Variants in USP38 observed in about 807,000 individuals in gnomAD.
The protein encoded by USP38 is ubiquitin carboxyl-terminal hydrolase 38.
USP38 carries 49 observed loss-of-function variants against 94.3 expected under a neutral mutation model. The ratio of observed to expected loss-of-function variants is 0.52; its 90% CI spans 0.41 to 0.66. The LOEUF (loss-of-function observed/expected upper bound fraction) is 0.66, where lower values mean the gene tolerates loss of function less well. USP38 is among the 30% of genes least tolerant of loss of function. The probability of loss-of-function intolerance (pLI) is 0.00; values close to 1 mark genes in which losing one functional copy is unlikely to be tolerated. For synonymous variants in USP38, 468 were observed against 463.6 expected, an observed-to-expected ratio of 1.01 and a Z score of -0.12; for missense variants, 1,128 against 1,229.4, an observed-to-expected ratio of 0.92 and a Z score of 1.23.
intron 3 of USP38, among the ~76,000 whole-genome samples, chr4:143,197,249 A>G (rs919219333): frequency 6.6e-6 from 1 of 152,202 alleles, no homozygotes; most frequent in Non-Finnish European, 1.5e-5. Context: ...CAATTCCTTC[A>G]GTTTTACAGT....
intron 2 of USP38, among the ~76,000 whole-genome samples, chr4:143,194,221 T>A (rs1731479655): frequency 6.6e-6 from 1 of 152,252 alleles, no homozygotes; most frequent in African/African-American, 2.4e-5. Context: ...TAACATTTGG[T>A]GGAAGAGAGG....
At chr4:143,215,299 T>C (rs1032197301) in intron 9 of USP38, 2 of 222,514 alleles carry the variant, frequency 9.0e-6, no homozygotes, top group Non-Finnish European at 1.8e-5. Context: ...GTGGTATTTA[T>C]GCCCTCAAGA....
intron 8 of USP38, 25 bp downstream of exon 8, chr4:143,212,449 AT>A: frequency 2.0e-6 from 3 of 1,515,172 alleles, no homozygotes; most frequent in Non-Finnish European, 1.8e-6. Flanking sequence ...TAAAATTGTG[AT>A]TTGAGTGTTG....
At chr4:143,187,444 G>A (rs1027341618) in intron 1 of USP38, among the ~76,000 whole-genome samples, 1 of 152,014 alleles carries the variant, frequency 6.6e-6, no homozygotes, top group Non-Finnish European at 1.5e-5. Context: ...AAGTTATTTT[G>A]GAGGGTCTGA....
intron 3 of USP38, among the ~76,000 whole-genome samples, chr4:143,197,374 A>G (rs1240751647): frequency 1.3e-5 from 2 of 152,162 alleles, no homozygotes; most frequent in Non-Finnish European, 2.9e-5. Flanking sequence ...TAATAACACT[A>G]ACCACCATGT....
chr4:143,213,847 C>T lies in USP38; in HGVS notation c.1871C>T (p.Ser624Phe). 2 of 1,613,824 alleles carry T rather than the reference C, an allele frequency of 1.2e-6. No individual in the cohort carries two copies. Among genetic ancestry groups the T allele is most frequent in the Non-Finnish European group, 1.7e-6 (2 of 1,179,826 alleles). ...CTTTCGCTTGCCTTTTGTCCTTCCT[C>T]TTCTTTGGAAAACATGTCTGTCCAA... ...TDLSLAFCPS[S>F]SLENMSVQDP... The change falls in exon 9 of 10, where the codon TCT becomes TTT. Residue 624 changes from serine to phenylalanine, a missense_variant. Physicochemically the swap from Ser to Phe is radical, Grantham distance 155. Transcript: ENST00000307017.
intron 8 of USP38, 127 bp from the exon 9 acceptor site, chr4:143,213,454 C>G: frequency 9.0e-7 from 1 of 1,106,144 alleles, no homozygotes; most frequent in Non-Finnish European, 1.2e-6. Flanking sequence ...TTAATTAAAA[C>G]AGGAAAAACC....
chr4:143,213,250 T>C (rs927395892), intron 8 of USP38, among the ~76,000 whole-genome samples: 6 of 152,158 alleles, frequency 3.9e-5, no homozygotes, highest in Admixed American at 1.3e-4. Context: ...ATCTATTCAG[T>C]AGTTTATTTG....
Position 143,213,571 on chromosome 4 carries a change from T to C in USP38, c.1605-10T>C, listed in dbSNP as rs1402852180. 6.3e-7 allele frequency: 1 copy of C among 1,580,008 alleles called. No individual in the cohort carries two copies. The highest frequency in any genetic ancestry group is 2.2e-5 in the East Asian group (1 of 44,478). On this transcript the variant is annotated splice_polypyrimidine_tract_variant and intron_variant, in intron 8 of 9. Transcript: ENST00000307017. ...TTTAAGTAGCTATATAATGATATCC[T>C]CTGCTGCAGGCTCCATGAAGAAGAA...
Position 143,213,913 on chromosome 4 carries a change from T to C in USP38, c.1937T>C (p.Met646Thr), listed in dbSNP as rs1732101998. 1 of 1,613,758 alleles carries C rather than the reference T, an allele frequency of 6.2e-7. No individual in the cohort carries two copies. Among genetic ancestry groups the C allele is most frequent in the Non-Finnish European group, 8.5e-7 (1 of 1,179,852 alleles). ...CCCAGTATACAAGATGGTGGTCTAA[T>C]GCAAGCCTCTGTACCCGGTCCTTCA... is the stretch of plus-strand genomic sequence containing the variant. ...SSPSIQDGGL[M>T]QASVPGPSEE... is the part of the protein sequence containing the mutation. The change falls in exon 9 of 10, where the codon ATG becomes ACG. Residue 646 changes from methionine (M) to threonine (T), a missense_variant. Transcript: ENST00000307017.
chr4:143,215,247 C>A, intron 9 of USP38: 1 of 343,386 alleles, frequency 2.9e-6, no homozygotes, highest in Non-Finnish European at 5.4e-6. Context: ...TATCCTCCCT[C>A]TTCCTCTCAG....
intron 9 of USP38, 85 bp downstream of exon 9, chr4:143,215,028 A>C (rs1732146570): frequency 7.7e-7 from 1 of 1,299,092 alleles, no homozygotes; most frequent in Non-Finnish European, 1.1e-6. Context: ...GAAATCTAAC[A>C]TGAGTTTTTA....
intron 3 of USP38, among the ~76,000 whole-genome samples, chr4:143,197,542 A>G (rs902843696): frequency 2.0e-5 from 3 of 152,214 alleles, no homozygotes; most frequent in Non-Finnish European, 4.4e-5. Flanking sequence ...AACTGAATGA[A>G]TAGTGGACTA....
rs866076452 is a variant in USP38, at chr4:143,215,170, C to G, written c.2967+227C>G. 1.4e-5 allele frequency: 7 copies of G among 507,552 alleles called. 1 individual carries two copies. The highest frequency in any genetic ancestry group is 1.0e-3 in the Middle Eastern group (2 of 1,932). 31.4% of individuals were successfully genotyped at this position (507,552 alleles called of 1,614,324 possible). Reference sequence around the variant, plus strand: ...TGTAATGCAGAAGACTTTATTTGTTCCTTACAAAAGATGGCTCATTCTGAA... The same window carrying G: ...TGTAATGCAGAAGACTTTATTTGTTGCTTACAAAAGATGGCTCATTCTGAA... On this transcript the variant is annotated intron_variant, in intron 9 of 9. Coordinates refer to ENST00000307017, the MANE Select transcript of USP38 (RefSeq NM_032557.6).
Position 143,203,463 on chromosome 4 carries a change from C to A in USP38, c.1106C>A (p.Ser369Ter), listed in dbSNP as rs752181434. The change falls in exon 5 of 10, where the codon TCA becomes TAA. Residue 369 changes from serine to a stop codon, truncating the protein, a stop_gained. Transcript: ENST00000307017. LOFTEE classifies it high-confidence loss of function. ...TCTTTCAAAAATGATGGTCTGCCTT[C>A]AAGTACAGCCTTCTTAGTACAATTA... ...VHSFKNDGLP[S>*]STAFLVQLTE... 1 of 1,613,154 alleles carries A rather than the reference C, an allele frequency of 6.2e-7. No individual in the cohort carries two copies. Among genetic ancestry groups the A allele is most frequent in the Non-Finnish European group, 8.5e-7 (1 of 1,179,512 alleles).
Position 143,206,123 on chromosome 4 carries a change from T to G in USP38, c.1300T>G (p.Ser434Ala), listed in dbSNP as rs1731859235. 3 of 1,613,830 alleles carry G rather than the reference T, an allele frequency of 1.9e-6. No homozygotes were observed. The highest frequency in any genetic ancestry group is 2.5e-6 in the Non-Finnish European group (3 of 1,179,912). Residue 434 changes from serine (S) to alanine (A), a missense_variant, in exon 6 of 10, where the codon TCT (serine) becomes GCT (alanine). By Grantham distance (99) the Ser-to-Ala change is moderately conservative. Coordinates refer to ENST00000307017, the MANE Select transcript of USP38 (RefSeq NM_032557.6). The stretch of plus-strand genomic sequence containing the variant: ...ATCCAATTCTTTGGCGTCTTGCTTG[T>G]CTAGACTTTCTGGAAAATCTGAAAC... ...SQSNSLASCL[S>A]RLSGKSETGK...
At chr4:143,203,704 A>G (rs942085449) in intron 5 of USP38, 138 bp downstream of exon 5, 1 of 833,986 alleles carries the variant, frequency 1.2e-6, no homozygotes, top group Non-Finnish European at 1.7e-6. Flanking sequence ...ATCAGGTTTC[A>G]TTTAGGGAGT....
intron 7 of USP38, 41 bp downstream of exon 7, chr4:143,209,698 G>A (rs772409270): frequency 1.6e-5 from 20 of 1,278,470 alleles, no homozygotes; most frequent in Admixed American, 1.0e-4. Flanking sequence ...TGTTAACTGC[G>A]TGGTAATATT....
chr4:143,197,995 AT>A, intron 4 of USP38, 71 bp downstream of exon 4: 2 of 1,064,380 alleles, frequency 1.9e-6, no homozygotes, highest in Non-Finnish European at 1.4e-6. Flanking sequence ...ATTGAGTCAC[AT>A]TTTTATGTAG....
Sources: gnomAD v4.1 joint callset for allele counts (sites outside exome capture counted in the v4.1 genomes callset) on GRCh38, gnomAD v4.1.1 for gene constraint, MANE v1.5 for transcripts, NCBI Gene and HGNC (gene_info 2026-07-23, HGNC 2026-07-21) for gene names.